MRAS: variants seen among roughly 807,000 people sequenced by gnomAD.
The protein encoded by MRAS is muscle RAS oncogene homolog.
A neutral mutation model predicts 20.9 loss-of-function variants in MRAS; 4 were observed. The ratio of observed to expected loss-of-function variants is 0.19; its 90% confidence interval spans 0.09 to 0.44. The LOEUF (loss-of-function observed/expected upper bound fraction) is 0.44, where lower values mean the gene tolerates loss of function less well. Among genes scored for constraint, MRAS ranks in the 20% least tolerant of loss-of-function variants. The pLI, the probability that MRAS is intolerant of heterozygous loss-of-function variation, is 0.99. For missense variants in MRAS, 154 were observed against 277.5 expected (o/e 0.56, Z 3.16); for synonymous variants, 98 against 102.9 (o/e 0.95, Z 0.29).
intron 1 of MRAS, among the ~76,000 whole-genome samples, chr3:138,361,234 G>T (rs1314008405): frequency 2.6e-5 from 4 of 152,214 alleles, no homozygotes; most frequent in Non-Finnish European, 5.9e-5. Context: ...ACCAGACCAG[G>T]AATCAGCAGA....
chr3:138,391,587 G>A (rs2055134083), intron 2 of MRAS, among the ~76,000 whole-genome samples: 1 of 152,160 alleles, frequency 6.6e-6, no homozygotes. Context: ...CGGAAATATT[G>A]TATAAAATTA....
intron 1 of MRAS, among the ~76,000 whole-genome samples, chr3:138,365,191 A>C (rs1691013705): frequency 6.6e-6 from 1 of 152,250 alleles, no homozygotes; most frequent in South Asian, 2.1e-4. Flanking sequence ...TGTGAGAATT[A>C]AAATATTCCA....
intron 1 of MRAS, among the ~76,000 whole-genome samples, chr3:138,356,678 A>G (rs1214808957): frequency 2.6e-5 from 4 of 152,194 alleles, no homozygotes; most frequent in African/African-American, 4.8e-5. Flanking sequence ...TTGGGGGCGT[A>G]TATTTTTAAA....
intron 1 of MRAS, among the ~76,000 whole-genome samples, chr3:138,352,631 G>T (rs2054250615): frequency 6.6e-6 from 1 of 152,118 alleles, no homozygotes; most frequent in South Asian, 2.1e-4. Context: ...GTCATCACCG[G>T]TTGCTGAAGT....
intron 1 of MRAS, among the ~76,000 whole-genome samples, chr3:138,351,648 A>G (rs949626824): frequency 1.3e-5 from 2 of 152,218 alleles, no homozygotes; most frequent in Admixed American, 6.5e-5. Context: ...AACAGTAAGT[A>G]AGATTAAGCA....
intron 2 of MRAS, 131 bp downstream of exon 2, chr3:138,373,207 T>C: frequency 1.1e-6 from 1 of 884,132 alleles, no homozygotes; most frequent in Non-Finnish European, 1.6e-6. Flanking sequence ...TATAAAGCCG[T>C]GTGTCGTTTT....
At chr3:138,362,301 G>C (rs1036195150) in intron 1 of MRAS, among the ~76,000 whole-genome samples, 2 of 152,164 alleles carry the variant, frequency 1.3e-5, no homozygotes, top group Non-Finnish European at 2.9e-5. Flanking sequence ...CCAGGCCTGG[G>C]TGCTGAATCC....
At chr3:138,370,094 C>G (rs1389423698) in intron 1 of MRAS, among the ~76,000 whole-genome samples, 1 of 152,080 alleles carries the variant, frequency 6.6e-6, no homozygotes, top group Non-Finnish European at 1.5e-5. Context: ...CCAAGGCAGG[C>G]AGGTCACAAG....
chr3:138,398,893 T>C (rs892437360), intron 4 of MRAS, among the ~76,000 whole-genome samples: 1 of 152,230 alleles, frequency 6.6e-6, no homozygotes, highest in Non-Finnish European at 1.5e-5. Flanking sequence ...GGGCCATTAC[T>C]GAGCCGGTAG....
At chr3:138,373,242 G>T (rs1429623226) in intron 2 of MRAS, among the ~76,000 whole-genome samples, 166 bp downstream of exon 2, 2 of 152,194 alleles carry the variant, frequency 1.3e-5, no homozygotes, top group Non-Finnish European at 2.9e-5. Context: ...AACAGGGAAG[G>T]CCTGCGTAGA....
chr3:138,391,457 CA>C (rs1479179669), intron 2 of MRAS, among the ~76,000 whole-genome samples: 1 of 152,108 alleles, frequency 6.6e-6, no homozygotes, highest in African/African-American at 2.4e-5. Context: ...ATCTGCAGTC[CA>C]AAAATCTGAA....
At chr3:138,372,425 A>G (rs1395971666) in intron 1 of MRAS, among the ~76,000 whole-genome samples, 1 of 152,164 alleles carries the variant, frequency 6.6e-6, no homozygotes, top group Non-Finnish European at 1.5e-5. Flanking sequence ...CCCCCTTTCT[A>G]AGCTTAGACA....
intron 1 of MRAS, among the ~76,000 whole-genome samples, chr3:138,353,906 TG>T: frequency 6.6e-6 from 1 of 152,260 alleles, no homozygotes; most frequent in South Asian, 2.1e-4. Flanking sequence ...AATCTGGCCA[TG>T]GTCTGTCTCT....
chr3:138,367,388 C>T (rs181548552), intron 1 of MRAS, among the ~76,000 whole-genome samples: 1 of 152,296 alleles, frequency 6.6e-6, no homozygotes, highest in Admixed American at 6.5e-5. Flanking sequence ...CAGTGGAACT[C>T]CGGCTGCCTG....
chr3:138,351,029 G>A (rs2054216910), intron 1 of MRAS, among the ~76,000 whole-genome samples: 1 of 151,962 alleles, frequency 6.6e-6, no homozygotes, highest in Non-Finnish European at 1.5e-5. Context: ...CTGGAACCAG[G>A]AATGACTATT....
intron 1 of MRAS, among the ~76,000 whole-genome samples, chr3:138,364,158 C>T (rs2054513758): frequency 6.6e-6 from 1 of 152,058 alleles, no homozygotes; most frequent in Non-Finnish European, 1.5e-5. Flanking sequence ...GGAGCTGAGC[C>T]CCCACACACA....
chr3:138,402,519 CCCATGT>C lies in MRAS; in HGVS notation c.*251_*256del, dbSNP rs2055381670. 2.3e-6 allele frequency: 1 copy of C among 434,500 alleles called. No individual in the cohort carries two copies. Among genetic ancestry groups the C allele is most frequent in the Non-Finnish European group, 4.1e-6 (1 of 245,310 alleles). The allele number at this position is 434,500 out of a possible 1,614,324, so 26.9% of individuals were successfully genotyped here. A position where few individuals can be genotyped will look rare whatever the true frequency, so the allele number is the denominator to read the frequency against. On this transcript the variant is annotated 3_prime_UTR_variant, in exon 6 of 6. Transcript: ENST00000423968. ...GCAGCATCCAAGTGCCCCTGGCCCC[CCCATGT>C]GTTGATTCAACCCGGTTCCTCCCCC...
At chr3:138,371,798 G>A (rs900517684) in intron 1 of MRAS, among the ~76,000 whole-genome samples, 7 of 129,632 alleles carry the variant, frequency 5.4e-5, no homozygotes, top group Non-Finnish European at 8.3e-5. Context: ...TTAACATTTG[G>A]TGCTGTCAGC....
At chr3:138,360,569 T>A (rs2054426283) in intron 1 of MRAS, among the ~76,000 whole-genome samples, 3 of 152,150 alleles carry the variant, frequency 2.0e-5, no homozygotes, top group Admixed American at 2.0e-4. Flanking sequence ...TCGCCACTCC[T>A]CCTGCTGGGC....
Sources: allele counts gnomAD v4.1 joint callset (sites outside exome capture counted in the v4.1 genomes callset), GRCh38; gene constraint gnomAD v4.1.1; transcripts MANE v1.5; gene names NCBI Gene and HGNC (gene_info 2026-07-23, HGNC 2026-07-21).